Variants in PIWIL3 observed in about 807,000 individuals in gnomAD.
PIWIL3 encodes piwi-like protein 3.
Under a neutral mutation model 109.7 loss-of-function variants are expected in PIWIL3, and 101 were observed. The ratio of observed to expected loss-of-function variants is 0.92; its 90% CI spans 0.78 to 1.09. The LOEUF (loss-of-function observed/expected upper bound fraction) is 1.09. Among genes scored for constraint, PIWIL3 ranks in the 50% least tolerant of loss-of-function variants. PIWIL3 has a pLI of 0.00. For synonymous variants in PIWIL3, 373 were observed against 376.4 expected (o/e 0.99, Z 0.10); for missense variants, 1,031 against 1,072.6 (o/e 0.96, Z 0.54).
chr22:24,728,617 G>A (rs1923138477), intron 14 of PIWIL3, among the ~76,000 whole-genome samples: 1 of 152,098 alleles, frequency 6.6e-6, no homozygotes, highest in African/African-American at 2.4e-5. Flanking sequence ...TTGGAAGGGT[G>A]AATGTGTAGA....
At chr22:24,719,946 T>G in intron 19 of PIWIL3, 51 bp from the exon 20 acceptor site, 27 of 1,428,354 alleles carry the variant, frequency 1.9e-5, no homozygotes, top group Non-Finnish European at 2.6e-5. Flanking sequence ...AGAGGGTATA[T>G]AGTAAACTTA....
intron 19 of PIWIL3, 106 bp from the exon 20 acceptor site, chr22:24,720,001 A>G (rs1350364597): frequency 1.1e-6 from 1 of 942,040 alleles, no homozygotes; most frequent in Non-Finnish European, 1.5e-6. Context: ...ACAAAAATCT[A>G]TTCTATAGAT....
At position 24,722,667 on chromosome 22, in the gene PIWIL3, C is replaced by G. The variant is rs74515895; in HGVS notation, c.2357+463G>C. ...GGAAGAGGTGGCAGTGTGCCTGTGC[C>G]AAGATTGCGCCACTGCACTCCAGCC... On this transcript the variant is annotated intron_variant, in intron 19 of 20. Coordinates refer to ENST00000616349, the MANE Select transcript of PIWIL3 (RefSeq NM_001255975.1). Among the ~76,000 whole-genome samples the G allele has an allele frequency of 1.5e-3, 226 of 152,134 alleles. 5 individuals are homozygous for G. In the South Asian group the frequency reaches 0.031, roughly 21 times the overall value.
At chr22:24,721,529 A>G (rs1345022189) in intron 19 of PIWIL3, among the ~76,000 whole-genome samples, 1 of 152,108 alleles carries the variant, frequency 6.6e-6, no homozygotes. Flanking sequence ...TTTGCCTTAC[A>G]TTTTTCTAAA....
intron 2 of PIWIL3, among the ~76,000 whole-genome samples, chr22:24,760,517 G>A (rs1248464023): frequency 6.6e-6 from 1 of 152,062 alleles, no homozygotes; most frequent in African/African-American, 2.4e-5. Flanking sequence ...GCCAGGTGCA[G>A]TGGCTCACGC....
At chr22:24,730,075 C>T (rs551995473) in intron 14 of PIWIL3, among the ~76,000 whole-genome samples, 17 of 151,754 alleles carry the variant, frequency 1.1e-4, no homozygotes, top group Non-Finnish European at 2.4e-4. Context: ...GATTAGAAAA[C>T]AGCATCACCG....
intron 9 of PIWIL3, among the ~76,000 whole-genome samples, 187 bp downstream of exon 9, chr22:24,751,200 A>G (rs1302173573): frequency 6.6e-6 from 1 of 152,150 alleles, no homozygotes; most frequent in Non-Finnish European, 1.5e-5. Context: ...GCACCATTCT[A>G]GTTATGTGAC....
At chr22:24,722,993 G>GT in intron 19 of PIWIL3, 137 bp downstream of exon 19, 7 of 985,190 alleles carry the variant, frequency 7.1e-6, no homozygotes, top group South Asian at 1.8e-5. Flanking sequence ...CTGCCCAATA[G>GT]TAAAAAAAAC....
In PIWIL3 at chr22:24,744,196, A is replaced by AAAAAAAAAAC. The variant is rs1924205419; in HGVS notation, c.1449+4710_1449+4711insGTTTTTTTTT. Among the ~76,000 whole-genome samples, 3 of 148,198 alleles carry AAAAAAAAAAC rather than the reference A, an allele frequency of 2.0e-5. No homozygotes were observed. The South Asian group carries it at 6.4e-4, about 32-fold the overall frequency. ...ACCGAATTAAAAAAAAAAAAAAAAA[A>AAAAAAAAAAC]AAAAAAAAAAACAATGATCTGCTGC... On this transcript the variant is annotated intron_variant, in intron 12 of 20. Transcript: ENST00000616349.
At position 24,734,266 on chromosome 22, in the gene PIWIL3, A is replaced by G. The variant is rs147926835; in HGVS notation, c.1635-110T>C. 16 of 1,426,560 alleles carry G rather than the reference A, an allele frequency of 1.1e-5. No homozygotes were observed. In the East Asian group the frequency reaches 3.9e-4, roughly 35 times the overall value. 88.4% of individuals were successfully genotyped at this position (1,426,560 alleles called of 1,614,324 possible). On this transcript the variant is annotated intron_variant, in intron 13 of 20. Transcript: ENST00000616349. ...GACATGATAAAATACCAAGATATGC[A>G]TTTCAGTAGAAAGTATGTTTAAAAG...
At chr22:24,722,289 A>G (rs1449979203) in intron 19 of PIWIL3, among the ~76,000 whole-genome samples, 2 of 151,998 alleles carry the variant, frequency 1.3e-5, no homozygotes, top group African/African-American at 4.8e-5. Context: ...TCACTGTGTT[A>G]GCCAGGATGG....
chr22:24,731,438 G>T (rs1055133122), intron 14 of PIWIL3, among the ~76,000 whole-genome samples: 1 of 151,760 alleles, frequency 6.6e-6, no homozygotes. Flanking sequence ...AGATCACAAG[G>T]TCAGGAGATT....
intron 4 of PIWIL3, among the ~76,000 whole-genome samples, chr22:24,757,297 T>A (rs1569109159): frequency 6.6e-6 from 1 of 151,708 alleles, no homozygotes; most frequent in Non-Finnish European, 1.5e-5. Flanking sequence ...CCCTATGTAA[T>A]AATATTTAAT....
chr22:24,725,303 A>AAGACTAAAATGTAGAGCTAG (rs1288969054), intron 17 of PIWIL3, 142 bp downstream of exon 17: 4 of 1,046,032 alleles, frequency 3.8e-6, no homozygotes, highest in African/African-American at 1.6e-5. Context: ...ACTAGACTCA[A>AAGACTAAAATGTAGAGCTAG]TGCCAGTAGC....
At chr22:24,756,071 G>A (rs1320737746) in intron 5 of PIWIL3, among the ~76,000 whole-genome samples, 166 bp from the exon 6 acceptor site, 2 of 152,132 alleles carry the variant, frequency 1.3e-5, no homozygotes, top group East Asian at 3.8e-4. Flanking sequence ...TCACAAGAGT[G>A]AAGAGTTGGA....
intron 12 of PIWIL3, among the ~76,000 whole-genome samples, chr22:24,744,197 A>C (rs1486516455): frequency 6.1e-5 from 9 of 148,382 alleles, no homozygotes; most frequent in East Asian, 3.9e-4. Flanking sequence ...AAAAAAAAAA[A>C]AAAAAAAAAA....
At chr22:24,745,717 G>GAAAAAAAAAA (rs71189273) in intron 12 of PIWIL3, among the ~76,000 whole-genome samples, 30 of 80,118 alleles carry the variant, frequency 3.7e-4, no homozygotes, top group East Asian at 1.0e-3. Context: ...GTCAGACTAA[G>GAAAAAAAAAA]AAAAAAAAAA....
At position 24,756,580 on chromosome 22, in the gene PIWIL3, T is replaced by C. The variant is rs1925044266; in HGVS notation, c.481A>G (p.Ile161Val). 3.1e-6 allele frequency: 5 copies of C among 1,614,082 alleles called. No homozygotes were observed. The highest frequency in any genetic ancestry group is 4.2e-6 in the Non-Finnish European group (5 of 1,179,958). Residue 161 changes from isoleucine to valine, a missense_variant, in exon 5 of 21, where the codon ATT becomes GTT. By Grantham distance (29) the Ile-to-Val change is conservative. Coordinates refer to ENST00000616349, the MANE Select transcript of PIWIL3 (RefSeq NM_001255975.1). ...PDIEDGNLRT[I>V]LLDQHRRKFG... The stretch of plus-strand genomic sequence containing the variant: ...TTCCTTCTATGTTGATCAAGTAAAA[T>C]TGTACGGAGATTTCCATCTTCTATG...
At chr22:24,735,208 C>G (rs2147666474) in intron 13 of PIWIL3, among the ~76,000 whole-genome samples, 1 of 152,180 alleles carries the variant, frequency 6.6e-6, no homozygotes, top group South Asian at 2.1e-4. Context: ...ATACATTTGT[C>G]CAAACCAGTA....
Sources: allele counts gnomAD v4.1 joint callset (sites outside exome capture counted in the v4.1 genomes callset), GRCh38; gene constraint gnomAD v4.1.1; transcripts MANE v1.5; gene names NCBI Gene and HGNC (gene_info 2026-07-23, HGNC 2026-07-21).